Variants in REEP1 observed in about 807,000 individuals in gnomAD.
REEP1 encodes the protein receptor accessory protein 1, also known as receptor expression-enhancing protein 1.
In REEP1, 22 loss-of-function variants were observed where a neutral mutation model predicts 40.3. The observed-to-expected ratio is 0.55, with a 90% CI of 0.39 to 0.78. The LOEUF (loss-of-function observed/expected upper bound fraction) is 0.78, where lower values mean the gene tolerates loss of function less well. Ranked by LOEUF, REEP1 falls within the 30% of genes least tolerant of loss-of-function variation. REEP1 has a pLI of 0.00. For synonymous variants in REEP1, 116 were observed against 139.2 expected (o/e 0.83, Z 1.17); for missense variants, 280 against 361.1 (o/e 0.78, Z 1.82).
chr2:86,328,736 G>A (rs747615922), intron 1 of REEP1, among the ~76,000 whole-genome samples: 2 of 152,202 alleles, frequency 1.3e-5, no homozygotes, highest in Non-Finnish European at 2.9e-5. Flanking sequence ...TGTGGGACTT[G>A]TGACAGGGGT....
chr2:86,307,376 T>C (rs1363704964), intron 1 of REEP1, among the ~76,000 whole-genome samples: 4 of 152,194 alleles, frequency 2.6e-5, no homozygotes, highest in African/African-American at 9.7e-5. Context: ...TTACATTTCC[T>C]TTATTTATTT....
intron 2 of REEP1, among the ~76,000 whole-genome samples, chr2:86,279,297 T>C (rs1474437018): frequency 1.3e-5 from 2 of 152,090 alleles, no homozygotes; most frequent in Admixed American, 6.5e-5. Context: ...AAGAGCAAGA[T>C]TGAGAAGGGT....
At chr2:86,329,780 T>C (rs1342771768) in intron 1 of REEP1, among the ~76,000 whole-genome samples, 1 of 152,088 alleles carries the variant, frequency 6.6e-6, no homozygotes. Flanking sequence ...CCTGACTCAT[T>C]CACCACCCAA....
chr2:86,337,537 G>T lies in REEP1; in HGVS notation c.-27C>A. The T allele has an allele frequency of 8.0e-7, 1 of 1,243,720 alleles. No individual in the cohort carries two copies. The highest frequency in any genetic ancestry group is 1.0e-6 in the Non-Finnish European group (1 of 992,546). 77.0% of individuals were successfully genotyped at this position (1,243,720 alleles called of 1,614,324 possible). ...GCGGGCAGGCGGGCGGGCGAGGCCC[G>T]GGCGGCGCGGCTCGGCTAGGCTGCG... On this transcript the variant is annotated 5_prime_UTR_variant, in exon 1 of 9. Coordinates refer to ENST00000538924, the MANE Select transcript of REEP1 (RefSeq NM_001371279.1). This position sits in a 1 kb window ranked among gnomAD's most constrained non-coding sequence, Gnocchi z 5.8.
intron 1 of REEP1, among the ~76,000 whole-genome samples, chr2:86,311,004 A>T (rs1450343580): frequency 1.3e-5 from 2 of 152,252 alleles, no homozygotes; most frequent in South Asian, 4.2e-4. Flanking sequence ...TTCAGTCTAG[A>T]AGGGTCTAGG....
At chr2:86,299,410 C>T (rs1679159280) in intron 1 of REEP1, among the ~76,000 whole-genome samples, 2 of 152,144 alleles carry the variant, frequency 1.3e-5, no homozygotes, top group South Asian at 2.1e-4. Flanking sequence ...CAGACACCAC[C>T]GAATGTCCTC....
intron 1 of REEP1, among the ~76,000 whole-genome samples, chr2:86,283,216 T>C (rs1396646507): frequency 6.6e-6 from 1 of 152,222 alleles, no homozygotes; most frequent in African/African-American, 2.4e-5. Context: ...TGAGGGCAGA[T>C]AATGGATCTG....
rs1438961710 is a variant in REEP1 at position 86,266,276 on chromosome 2, C to T, written c.106-2235G>A. Among the ~76,000 whole-genome samples the T allele has an allele frequency of 2.0e-5, 3 of 152,222 alleles. No individual in the cohort carries two copies. In the East Asian group the frequency reaches 5.8e-4, roughly 29 times the overall value. ...AACTATAAAACACTTACAAGAAAAA[C>T]ATATAATTAAATATTTCTGACCTTG... On this transcript the variant is annotated intron_variant, in intron 2 of 8. Coordinates refer to ENST00000538924, the MANE Select transcript of REEP1 (RefSeq NM_001371279.1).
At chr2:86,272,700 T>C (rs1239023257) in intron 2 of REEP1, among the ~76,000 whole-genome samples, 1 of 152,244 alleles carries the variant, frequency 6.6e-6, no homozygotes, top group Non-Finnish European at 1.5e-5. Flanking sequence ...CTGTCTTATT[T>C]TCTCCATTCT....
chr2:86,297,860 A>G (rs1159014636), intron 1 of REEP1: 1 of 257,216 alleles, frequency 3.9e-6, no homozygotes, highest in Non-Finnish European at 6.1e-6. Flanking sequence ...AAGAGAAAAC[A>G]ACTGACAAGT....
chr2:86,320,004 T>C (rs1680207884), intron 1 of REEP1, among the ~76,000 whole-genome samples: 1 of 152,206 alleles, frequency 6.6e-6, no homozygotes, highest in East Asian at 1.9e-4. Context: ...ATTTCAGACT[T>C]CTAGTCTGCA....
At chr2:86,318,610 C>G (rs1680142849) in intron 1 of REEP1, among the ~76,000 whole-genome samples, 2 of 152,030 alleles carry the variant, frequency 1.3e-5, no homozygotes, top group Admixed American at 1.3e-4. Flanking sequence ...GTTAGCCAGG[C>G]TGGTCTCGAT....
At chr2:86,323,629 C>T (rs1028782925) in intron 1 of REEP1, among the ~76,000 whole-genome samples, 65 of 152,280 alleles carry the variant, frequency 4.3e-4, no homozygotes, top group African/African-American at 1.5e-3. Context: ...TAAAACTGCC[C>T]CCCAACCCCC....
chr2:86,261,420 A>AT (rs1676845585), intron 3 of REEP1, among the ~76,000 whole-genome samples: 1 of 152,224 alleles, frequency 6.6e-6, no homozygotes. Context: ...CTGTTAATCT[A>AT]TAACCTTACC....
chr2:86,243,460 G>C (rs1675777053), intron 5 of REEP1, among the ~76,000 whole-genome samples: 1 of 152,206 alleles, frequency 6.6e-6, no homozygotes, highest in Non-Finnish European at 1.5e-5. Context: ...AGTAATGTCG[G>C]ACCGCCAACT....
At chr2:86,262,425 G>A (rs533962819) in intron 3 of REEP1, among the ~76,000 whole-genome samples, 99 of 152,350 alleles carry the variant, frequency 6.5e-4, no homozygotes, top group African/African-American at 1.9e-3. Flanking sequence ...TGCAGGGTGC[G>A]AAGGCACAAG....
In REEP1 at chr2:86,216,948, C is replaced by T; in HGVS notation, c.*91G>A. 1 of 1,075,490 alleles carries T rather than the reference C, an allele frequency of 9.3e-7. No homozygotes were observed. Among genetic ancestry groups the T allele is most frequent in the Non-Finnish European group, 1.4e-6 (1 of 704,320 alleles). 66.6% of individuals were successfully genotyped at this position (1,075,490 alleles called of 1,614,324 possible). ...TGTGAGGCTGCACACTCAAAGCACA[C>T]CCAGCTTGCGGATTTCTATGTTATT... On this transcript the variant is annotated 3_prime_UTR_variant, in exon 9 of 9. Coordinates refer to ENST00000538924, the MANE Select transcript of REEP1 (RefSeq NM_001371279.1).
intron 1 of REEP1, among the ~76,000 whole-genome samples, chr2:86,326,485 G>A (rs529892560): frequency 6.6e-6 from 1 of 152,268 alleles, no homozygotes; most frequent in Admixed American, 6.5e-5. Flanking sequence ...TGCCAAGGCG[G>A]GCAGATCACC....
chr2:86,227,536 G>A, intron 6 of REEP1, 138 bp from the exon 7 acceptor site: 3 of 607,464 alleles, frequency 4.9e-6, no homozygotes, highest in Non-Finnish European at 7.2e-6. Flanking sequence ...GTGGGTCTCT[G>A]TAGAGACACC....
Sources: gnomAD v4.1 joint callset for allele counts (sites outside exome capture counted in the v4.1 genomes callset) on GRCh38, gnomAD v4.1.1 for gene constraint, Gnocchi (gnomAD v3.1) non-coding constraint, MANE v1.5 for transcripts, NCBI Gene and HGNC (gene_info 2026-07-23, HGNC 2026-07-21) for gene names.